P4HA2: variants seen among roughly 807,000 people sequenced by gnomAD.
P4HA2 encodes the protein prolyl 4-hydroxylase subunit alpha-2.
Under a neutral mutation model 76.9 loss-of-function variants are expected in P4HA2, and 46 were observed. The observed-to-expected ratio is 0.60, with a 90% CI of 0.47 to 0.76. The LOEUF is 0.76. Ranked by LOEUF, P4HA2 falls within the 30% of genes least tolerant of loss-of-function variation. The pLI, the probability that P4HA2 is intolerant of heterozygous loss-of-function variation, is 0.00. For synonymous variants in P4HA2, 243 were observed against 254.0 expected, an observed-to-expected ratio of 0.96 and a Z score of 0.41; for missense variants, 583 against 669.4, an observed-to-expected ratio of 0.87 and a Z score of 1.42.
chr5:132,218,928 G>A (rs1754281841), intron 1 of P4HA2, among the ~76,000 whole-genome samples: 4 of 152,196 alleles, frequency 2.6e-5, no homozygotes, highest in East Asian at 1.9e-4. Flanking sequence ...AGGCGGAATC[G>A]CAGTGGGGTA....
intron 10 of P4HA2, chr5:132,200,655 T>C (rs931584271): frequency 6.6e-6 from 1 of 152,358 alleles, no homozygotes; most frequent in East Asian, 1.9e-4. Flanking sequence ...CCCCAAGTAC[T>C]GAGTTACAGA....
rs1396653769 is a variant in P4HA2, at chr5:132,193,186, C to G, written c.1532-106G>C. The G allele has an allele frequency of 5.4e-6, 4 of 744,912 alleles. No homozygotes were observed. In the Admixed American group the frequency reaches 7.6e-5, roughly 14 times the overall value. 46.1% of individuals were successfully genotyped at this position (744,912 alleles called of 1,614,324 possible). A position where few individuals can be genotyped will look rare whatever the true frequency, so the allele number is the denominator to read the frequency against. On this transcript the variant is annotated intron_variant, in intron 14 of 14. Transcript: ENST00000360568. ...CTGCACTGTGCCCTGGAATCAGACACAAATAAGACAAGACATGATCTCAGG... is the reference window on the plus strand; with the variant it reads ...CTGCACTGTGCCCTGGAATCAGACAGAAATAAGACAAGACATGATCTCAGG...
chr5:132,216,419 T>C (rs1053318482), intron 4 of P4HA2, among the ~76,000 whole-genome samples: 1 of 152,038 alleles, frequency 6.6e-6, no homozygotes, highest in African/African-American at 2.4e-5. Context: ...CCAAGAAATA[T>C]GTAAAAAGGT....
At chr5:132,195,347 G>C in intron 13 of P4HA2, 65 bp downstream of exon 13, 1 of 1,192,512 alleles carries the variant, frequency 8.4e-7, no homozygotes, top group Non-Finnish European at 1.3e-6. Flanking sequence ...ATGGTACTGG[G>C]GGACATGGAC....
intron 10 of P4HA2, chr5:132,200,636 C>T (rs567214367): frequency 8.5e-5 from 13 of 152,328 alleles, no homozygotes; most frequent in Admixed American, 6.5e-4. Flanking sequence ...AATCCTCCTG[C>T]CTTGGTCTCC....
intron 10 of P4HA2, 63 bp downstream of exon 10, chr5:132,203,685 G>A: frequency 1.9e-6 from 2 of 1,044,340 alleles, no homozygotes; most frequent in Non-Finnish European, 3.0e-6. Flanking sequence ...TGGACACCCT[G>A]TGAGACCATC....
At chr5:132,195,661 T>A in intron 12 of P4HA2, 181 bp from the exon 13 acceptor site, 1 of 629,176 alleles carries the variant, frequency 1.6e-6, no homozygotes, top group Non-Finnish European at 2.9e-6. Flanking sequence ...ACTTAACCAG[T>A]GTGATTCATT....
chr5:132,209,316 C>T lies in P4HA2; in HGVS notation c.725G>A (p.Arg242Gln), dbSNP rs781294158. ...AAAGTACCGCAGATTCCCTCCAGCT[C>T]GTTCGTGGCTTGGGTCTAGAAAATG... ...RLLSLDPSHE[R>Q]AGGNLRYFEQ... Residue 242 changes from arginine (R) to glutamine (Q), a missense_variant, in exon 7 of 15, where the codon CGA becomes CAA. Coordinates refer to ENST00000360568, the MANE Select transcript of P4HA2 (RefSeq NM_001017974.2). The T allele has an allele frequency of 9.3e-6, 15 of 1,613,818 alleles. No individual in the cohort carries two copies. Among genetic ancestry groups the T allele is most frequent in the Non-Finnish European group, 9.3e-6 (11 of 1,179,836 alleles).
At chr5:132,218,162 T>C (rs1754185107) in intron 2 of P4HA2, among the ~76,000 whole-genome samples, 2 of 152,158 alleles carry the variant, frequency 1.3e-5, no homozygotes, top group African/African-American at 4.8e-5. Context: ...GGCATGGATA[T>C]CCTGGGGGCT....
intron 8 of P4HA2, among the ~76,000 whole-genome samples, chr5:132,205,314 G>A (rs1267750853): frequency 1.3e-5 from 2 of 152,038 alleles, no homozygotes; most frequent in Non-Finnish European, 2.9e-5. Context: ...GCAATCCAGA[G>A]GCCTGGGAAT....
chr5:132,198,087 C>A, intron 12 of P4HA2: 2 of 1,489,034 alleles, frequency 1.3e-6, no homozygotes. Flanking sequence ...GTGCTGAGAG[C>A]CAGAAGGACC....
chr5:132,215,920 G>A (rs1753799924), intron 4 of P4HA2, among the ~76,000 whole-genome samples: 1 of 150,076 alleles, frequency 6.7e-6, no homozygotes, highest in African/African-American at 2.5e-5. Flanking sequence ...CCAGCACTTT[G>A]GGAGGTGGAG....
chr5:132,221,377 C>A (rs763759607), intron 1 of P4HA2, among the ~76,000 whole-genome samples: 20 of 152,148 alleles, frequency 1.3e-4, no homozygotes, highest in Middle Eastern at 3.2e-3. Flanking sequence ...AATGTCTGTC[C>A]CATACCAGGA....
chr5:132,199,081 C>T (rs536627522), intron 10 of P4HA2, 149 bp from the exon 11 acceptor site: 4 of 633,410 alleles, frequency 6.3e-6, no homozygotes, highest in Admixed American at 2.5e-5. Flanking sequence ...CATGCCCTGG[C>T]AGCACAGGCA....
At chr5:132,195,888 A>G (rs1750562811) in intron 12 of P4HA2, among the ~76,000 whole-genome samples, 2 of 152,212 alleles carry the variant, frequency 1.3e-5, no homozygotes, top group Admixed American at 1.3e-4. Flanking sequence ...CACCATGTGC[A>G]GTCCCCACTG....
chr5:132,225,345 C>T (rs1755226439), intron 1 of P4HA2, among the ~76,000 whole-genome samples: 1 of 152,202 alleles, frequency 6.6e-6, no homozygotes, highest in Non-Finnish European at 1.5e-5. Flanking sequence ...CCTCCTAGCC[C>T]TCTGCACACT....
At chr5:132,193,112 T>C (rs200109067) in intron 14 of P4HA2, 32 bp from the exon 15 acceptor site, 1 of 1,529,500 alleles carries the variant, frequency 6.5e-7, no homozygotes, top group Non-Finnish European at 9.1e-7. Flanking sequence ...GTTACAATCC[T>C]ATTGGTCAGT....
intron 1 of P4HA2, among the ~76,000 whole-genome samples, chr5:132,225,660 G>T (rs1755287166): frequency 6.6e-6 from 1 of 152,174 alleles, no homozygotes; most frequent in South Asian, 2.1e-4. Flanking sequence ...CCTCATTCTA[G>T]CCCCAGGCAC....
In P4HA2 at chr5:132,210,288, G is replaced by C. The variant is rs1421162245; in HGVS notation, c.705C>G (p.Ser235=). ...RALELTRRLL[S]LDPSHERAGG... ...CTTCCCCTAGAATCTCCTTACCAAG[G>C]GAGAGCAGGCGGCGGGTGAGCTCCA... The change falls in exon 6 of 15, where the codon TCC becomes TCG. Residue 235 remains serine (S), a synonymous_variant. Coordinates refer to ENST00000360568, the MANE Select transcript of P4HA2 (RefSeq NM_001017974.2). 1.9e-6 allele frequency: 3 copies of C among 1,614,126 alleles called. No homozygotes were observed. Among genetic ancestry groups the C allele is most frequent in the Non-Finnish European group, 8.5e-7 (1 of 1,180,036 alleles).
Sources: gnomAD v4.1 joint callset for allele counts (sites outside exome capture counted in the v4.1 genomes callset) on GRCh38, gnomAD v4.1.1 for gene constraint, MANE v1.5 for transcripts, NCBI Gene and HGNC (gene_info 2026-07-23, HGNC 2026-07-21) for gene names.